CTIF: variants seen among roughly 807,000 people sequenced by gnomAD.
The protein encoded by CTIF is cap binding complex dependent translation initiation factor, also known as CBP80/20-dependent translation initiation factor.
CTIF carries 21 observed loss-of-function variants against 66.0 expected under a neutral mutation model. That is an observed-to-expected ratio of 0.32 (90% CI 0.23 to 0.46). CTIF has a LOEUF of 0.46. Among genes scored for constraint, CTIF ranks in the 20% least tolerant of loss-of-function variants. The pLI is 1.00. For missense variants in CTIF, 739 were observed against 812.7 expected (o/e 0.91, Z 1.10); for synonymous variants, 345 against 326.4 (o/e 1.06, Z -0.62).
intron 7 of CTIF, among the ~76,000 whole-genome samples, chr18:48,753,259 C>A (rs1429126117): frequency 6.6e-6 from 1 of 152,128 alleles, no homozygotes; most frequent in Admixed American, 6.5e-5. Context: ...TTAAGCAGAC[C>A]TACAAATTAT....
chr18:48,834,710 G>A (rs115635079), intron 10 of CTIF: 133 of 152,828 alleles, frequency 8.7e-4, no homozygotes, highest in African/African-American at 3.0e-3. Context: ...TATGAGCCCA[G>A]GGAAAGGCTT....
chr18:48,762,328 T>C (rs762289515), intron 9 of CTIF, among the ~76,000 whole-genome samples: 17 of 152,360 alleles, frequency 1.1e-4, no homozygotes, highest in Middle Eastern at 3.4e-3. Context: ...CCAGTGGTTC[T>C]ATCAGCATGA....
At chr18:48,856,458 G>C (rs1408006137) in intron 10 of CTIF, among the ~76,000 whole-genome samples, 1 of 152,186 alleles carries the variant, frequency 6.6e-6, no homozygotes, top group African/African-American at 2.4e-5. Context: ...CCTGGTACAC[G>C]AAGGTTCATA....
chr18:48,688,870 G>T (rs970748273), intron 6 of CTIF, among the ~76,000 whole-genome samples: 1 of 152,240 alleles, frequency 6.6e-6, no homozygotes, highest in Non-Finnish European at 1.5e-5. Flanking sequence ...CTGTAGAGAG[G>T]AAAGAGGGGG....
intron 1 of CTIF, among the ~76,000 whole-genome samples, chr18:48,588,968 CT>C (rs1457828052): frequency 2.0e-5 from 3 of 152,184 alleles, no homozygotes; most frequent in Admixed American, 6.5e-5. Flanking sequence ...CCCGGCGCCC[CT>C]GTCTCCCATA....
At chr18:48,603,014 T>C (rs533131826) in intron 1 of CTIF, among the ~76,000 whole-genome samples, 1 of 150,308 alleles carries the variant, frequency 6.7e-6, no homozygotes, top group Non-Finnish European at 1.5e-5. Context: ...AATGGGTAGA[T>C]GAATAGATGG....
At chr18:48,553,244 G>T (rs796185531) in intron 1 of CTIF, among the ~76,000 whole-genome samples, 27 of 152,330 alleles carry the variant, frequency 1.8e-4, no homozygotes, top group African/African-American at 6.5e-4. Context: ...TGGGGAGAGG[G>T]TTGCTGGTGA....
At chr18:48,813,521 A>C (rs1320461236) in intron 9 of CTIF, among the ~76,000 whole-genome samples, 1 of 152,238 alleles carries the variant, frequency 6.6e-6, no homozygotes, top group African/African-American at 2.4e-5. Flanking sequence ...TGCTGTGCGC[A>C]TCAGCCTTGG....
chr18:48,644,170 G>A (rs2090984209), intron 3 of CTIF, among the ~76,000 whole-genome samples: 1 of 152,296 alleles, frequency 6.6e-6, no homozygotes, highest in East Asian at 1.9e-4. Context: ...TGCCTTTGCT[G>A]TGGTTGGGTC....
intron 1 of CTIF, among the ~76,000 whole-genome samples, chr18:48,604,138 C>G (rs189255100): frequency 6.7e-6 from 1 of 149,782 alleles, no homozygotes; most frequent in Non-Finnish European, 1.5e-5. Context: ...ACCACCACAC[C>G]CCGCTGACTC....
chr18:48,561,969 C>G (rs906653375), intron 1 of CTIF, among the ~76,000 whole-genome samples: 2 of 152,222 alleles, frequency 1.3e-5, no homozygotes, highest in African/African-American at 4.8e-5. Flanking sequence ...TCACGTACAT[C>G]TACGGTTGCT....
At chr18:48,755,224 T>C (rs984630960) in intron 7 of CTIF, among the ~76,000 whole-genome samples, 1 of 152,220 alleles carries the variant, frequency 6.6e-6, no homozygotes, top group Non-Finnish European at 1.5e-5. Context: ...ATAACTCACA[T>C]TGAAAGAACA....
At chr18:48,696,711 T>C (rs1330432640) in intron 6 of CTIF, among the ~76,000 whole-genome samples, 1 of 152,216 alleles carries the variant, frequency 6.6e-6, no homozygotes, top group African/African-American at 2.4e-5. Flanking sequence ...AAGGTAGGTA[T>C]TAGTCTCTCC....
intron 3 of CTIF, among the ~76,000 whole-genome samples, chr18:48,646,474 C>T (rs1385646755): frequency 3.3e-5 from 5 of 151,322 alleles, no homozygotes; most frequent in African/African-American, 9.7e-5. Flanking sequence ...CGGCCAAGAG[C>T]GGTGGCTCAT....
chr18:48,847,585 T>C (rs758550134), intron 10 of CTIF, among the ~76,000 whole-genome samples: 2 of 152,208 alleles, frequency 1.3e-5, no homozygotes, highest in African/African-American at 2.4e-5. Flanking sequence ...ATACAAAGCA[T>C]GTTGAGATCT....
intron 9 of CTIF, among the ~76,000 whole-genome samples, chr18:48,809,846 T>C (rs558170525): frequency 6.6e-6 from 1 of 152,100 alleles, no homozygotes; most frequent in Admixed American, 6.5e-5. Flanking sequence ...AATTTTATTA[T>C]ACTTTTTTTC....
intron 10 of CTIF, among the ~76,000 whole-genome samples, chr18:48,818,257 T>G (rs552064450): frequency 1.2e-4 from 19 of 152,282 alleles, no homozygotes; most frequent in Middle Eastern, 3.4e-3. Context: ...AAGAGGTTGG[T>G]GGCTTGGAAG....
At chr18:48,842,736 G>A (rs2068975083) in intron 10 of CTIF, among the ~76,000 whole-genome samples, 1 of 152,228 alleles carries the variant, frequency 6.6e-6, no homozygotes, top group African/African-American at 2.4e-5. Context: ...TGAACCTTCC[G>A]TTGATGTGGG....
intron 7 of CTIF, among the ~76,000 whole-genome samples, chr18:48,744,345 G>A (rs1357534880): frequency 6.6e-6 from 1 of 152,124 alleles, no homozygotes; most frequent in Non-Finnish European, 1.5e-5. Flanking sequence ...AAGAAAAATT[G>A]CCACCAAGCC....
Sources: allele counts gnomAD v4.1 joint callset (sites outside exome capture counted in the v4.1 genomes callset), GRCh38; gene constraint gnomAD v4.1.1; transcripts MANE v1.5; gene names NCBI Gene and HGNC (gene_info 2026-07-23, HGNC 2026-07-21).